The following MVP variants were observed in gnomAD, a reference collection of about 807,000 sequenced individuals.
MVP encodes lung resistance-related protein.
MVP carries 62 observed loss-of-function variants against 83.5 expected under a neutral mutation model. The ratio of observed to expected loss-of-function variants is 0.74; its 90% CI spans 0.61 to 0.92. The LOEUF (loss-of-function observed/expected upper bound fraction) is 0.92, where lower values mean the gene tolerates loss of function less well. Among genes scored for constraint, MVP ranks in the 40% least tolerant of loss-of-function variants. The pLI is 0.00. For synonymous variants in MVP, 505 were observed against 504.1 expected, an observed-to-expected ratio of 1.00 and a Z score of -0.02; for missense variants, 1,000 against 1,203.4, an observed-to-expected ratio of 0.83 and a Z score of 2.50.
Position 29,835,744 on chromosome 16 carries a change from A to G in MVP, c.618A>G (p.Pro206=). The change falls in exon 6 of 15, where the codon CCA becomes CCG. Residue 206 remains proline (P), a synonymous_variant. Transcript: ENST00000357402. ...TCACCACAGTAGGGGCGTACCTCCC[A>G]GCGGTGTTTGAGGAGGTTCTGGATT... ...WLVTTVGAYL[P]AVFEEVLDLV... is the part of the protein sequence containing the mutation. 3.7e-6 allele frequency: 6 copies of G among 1,613,954 alleles called. No homozygotes were observed. Among genetic ancestry groups the G allele is most frequent in the Non-Finnish European group, 5.1e-6 (6 of 1,180,002 alleles).
At chr16:29,838,448 A>T (rs200883210) in intron 7 of MVP, among the ~76,000 whole-genome samples, 1 of 151,982 alleles carries the variant, frequency 6.6e-6, no homozygotes, top group East Asian at 1.9e-4. Context: ...AAAAAAAAAA[A>T]TTAGAAATAA....
Position 29,844,754 on chromosome 16 carries a change from G to A in MVP, c.1896G>A (p.Gly632=), listed in dbSNP as rs1567396140. 3.7e-6 allele frequency: 6 copies of A among 1,612,244 alleles called. No homozygotes were observed. In the East Asian group the frequency reaches 6.7e-5, roughly 18 times the overall value. ...ACCAGGCTGTCTTCCCCCAAAACGG[G>A]CTGGTGGTCAGCAGTGTGGACGTGC... ...PRDQAVFPQN[G]LVVSSVDVQS... The change falls in exon 11 of 15, where the codon GGG becomes GGA. Residue 632 remains glycine (G), a synonymous_variant. Coordinates refer to ENST00000357402, the MANE Select transcript of MVP (RefSeq NM_005115.5).
chr16:29,841,469 T>C lies in MVP; in HGVS notation c.1192-127T>C, dbSNP rs2067533899. The C allele has an allele frequency of 1.6e-6, 2 of 1,269,000 alleles. No individual in the cohort carries two copies. Among genetic ancestry groups the C allele is most frequent in the African/African-American group, 1.5e-5 (1 of 66,748 alleles). 78.6% of individuals were successfully genotyped at this position (1,269,000 alleles called of 1,614,324 possible). On this transcript the variant is annotated intron_variant, in intron 8 of 14. Transcript: ENST00000357402. This position sits in a 1 kb window ranked among gnomAD's most constrained non-coding sequence, Gnocchi z 4.7. ...GGCAAACCCGGGGTGGAGCCTGGCC[T>C]CCCCGTAGAGAAGGTGTTTAACCTC...
chr16:29,844,841 C>T lies in MVP; in HGVS notation c.1983C>T (p.Ala661=). 6.2e-7 allele frequency: 1 copy of T among 1,605,526 alleles called. No individual in the cohort carries two copies. The highest frequency in any genetic ancestry group is 8.5e-7 in the Non-Finnish European group (1 of 1,179,846). ...CCCTGCAACGCAGCGTCCAGCTGGCCATCGAGATCACCACCAACTCCCAGG... is the reference window on the plus strand; with the variant it reads ...CCCTGCAACGCAGCGTCCAGCTGGCTATCGAGATCACCACCAACTCCCAGG... ...RDALQRSVQL[A]IEITTNSQEA... is the part of the protein sequence containing the mutation. The change falls in exon 11 of 15, where the codon GCC becomes GCT. Residue 661 remains alanine (A), a synonymous_variant. Transcript: ENST00000357402.
chr16:29,825,242 A>G (rs1483329935), intron 1 of MVP, among the ~76,000 whole-genome samples: 1 of 152,158 alleles, frequency 6.6e-6, no homozygotes, highest in Non-Finnish European at 1.5e-5. Context: ...AGAGCCGACT[A>G]GGGCAGGTCT....
At chr16:29,836,591 AAC>A in intron 6 of MVP, 129 bp from the exon 7 acceptor site, 3 of 785,412 alleles carry the variant, frequency 3.8e-6, no homozygotes, top group Admixed American at 5.3e-5. Context: ...AAAAAAAAAA[AAC>A]AATCCCTGGA....
intron 7 of MVP, among the ~76,000 whole-genome samples, chr16:29,839,520 C>A (rs1177119725): frequency 6.6e-6 from 1 of 152,064 alleles, no homozygotes; most frequent in Non-Finnish European, 1.5e-5. Context: ...TGGTGGCTCA[C>A]ATCTATAATC....
intron 3 of MVP, among the ~76,000 whole-genome samples, chr16:29,832,255 A>C (rs1430678979): frequency 6.6e-6 from 1 of 151,148 alleles, no homozygotes; most frequent in Non-Finnish European, 1.5e-5. Flanking sequence ...ATAACCCTTA[A>C]GGAATCCAAG....
At chr16:29,823,050 A>C (rs1246658970) in intron 1 of MVP, among the ~76,000 whole-genome samples, 2 of 149,846 alleles carry the variant, frequency 1.3e-5, no homozygotes, top group Non-Finnish European at 3.0e-5. Context: ...CCTACTGTGC[A>C]CCAGAGACCC....
chr16:29,846,696 G>GA (rs2067588549), intron 13 of MVP, among the ~76,000 whole-genome samples: 1 of 152,004 alleles, frequency 6.6e-6, no homozygotes, highest in South Asian at 2.1e-4. Context: ...CATCTCTACT[G>GA]AAAATACAAA....
intron 6 of MVP, among the ~76,000 whole-genome samples, chr16:29,836,188 A>G (rs2067485456): frequency 6.6e-6 from 1 of 151,544 alleles, no homozygotes; most frequent in Non-Finnish European, 1.5e-5. Flanking sequence ...GAATCGCTTG[A>G]ACCCCAGAGG....
Position 29,840,321 on chromosome 16 carries a change from C to G in MVP, c.1053C>G (p.His351Gln). 6 of 1,612,680 alleles carry G rather than the reference C, an allele frequency of 3.7e-6. No homozygotes were observed. Among genetic ancestry groups the G allele is most frequent in the Non-Finnish European group, 5.1e-6 (6 of 1,179,464 alleles). Residue 351 changes from histidine to glutamine, a missense_variant, in exon 8 of 15, where the codon CAC becomes CAG. By Grantham distance (24) the His-to-Gln change is conservative. Transcript: ENST00000357402. ...EEGEDEEKVS[H>Q]QAGDHWLIRG... ...GGGAGGATGAGGAGAAGGTCTCACA[C>G]CAGGCTGGGGACCACTGGCTCATCC...
Position 29,832,447 on chromosome 16 carries a change from A to G in MVP, c.322-1286A>G, listed in dbSNP as rs190406149. The stretch of plus-strand genomic sequence containing the variant: ...CGAGTAGCTGGGACTACAGGCGCCC[A>G]CCACCACACCCGGCTAACTTTTTGT... On this transcript the variant is annotated intron_variant, in intron 3 of 14. Transcript: ENST00000357402. 7.5e-3 allele frequency among the ~76,000 whole-genome samples: 1,131 copies of G among 150,400 alleles called. 11 individuals carry two copies. Among genetic ancestry groups the G allele is most frequent in the African/African-American group, 0.026 (1,065 of 40,954 alleles).
intron 13 of MVP, 118 bp from the exon 14 acceptor site, chr16:29,847,079 A>G: frequency 8.6e-7 from 1 of 1,157,090 alleles, no homozygotes; most frequent in East Asian, 2.4e-5. Flanking sequence ...AGTCCCAGCT[A>G]CCCAGGAGGC....
At chr16:29,829,379 G>A (rs1412992195) in intron 1 of MVP, among the ~76,000 whole-genome samples, 1 of 150,396 alleles carries the variant, frequency 6.6e-6, no homozygotes, top group African/African-American at 2.5e-5. Context: ...CTACCCAGGA[G>A]GCTGAGGCAT....
chr16:29,847,126 C>A, intron 13 of MVP, 71 bp from the exon 14 acceptor site: 1 of 1,520,756 alleles, frequency 6.6e-7, no homozygotes, highest in South Asian at 1.2e-5. Flanking sequence ...GAGTTCAAGG[C>A]TGCAGTGAGT....
intron 11 of MVP, among the ~76,000 whole-genome samples, 180 bp from the exon 12 acceptor site, chr16:29,845,683 G>A (rs1421159240): frequency 3.3e-5 from 5 of 152,184 alleles, no homozygotes; most frequent in Non-Finnish European, 4.4e-5. Flanking sequence ...GCATTTGTCC[G>A]GCCTAGAATG....
Position 29,830,986 on chromosome 16 carries a change from A to T in MVP, c.234A>T (p.Thr78=). The change falls in exon 3 of 15, where the codon ACA becomes ACT. Residue 78 remains threonine (T), a synonymous_variant. Transcript: ENST00000357402. ...DAQGLVLFDV[T]GQVRLRHADL... ...AGGGCTTGGTGCTGTTTGATGTCACAGGGCAAGTTCGGCTTCGCCACGCTG... is the reference window on the plus strand; with the variant it reads ...AGGGCTTGGTGCTGTTTGATGTCACTGGGCAAGTTCGGCTTCGCCACGCTG... The T allele has an allele frequency of 6.2e-7, 1 of 1,613,678 alleles. No individual in the cohort carries two copies. Among genetic ancestry groups the T allele is most frequent in the East Asian group, 2.2e-5 (1 of 44,854 alleles).
rs1182040761 is a variant in MVP at position 29,846,112 on chromosome 16, G to T, written c.2139-46G>T. ...ACAGCATAAGCCAAGGCCGTGGGGG[G>T]ACTGGGCTGTCTCCCGGGTCTTACC... On this transcript the variant is annotated intron_variant, in intron 12 of 14. Coordinates refer to ENST00000357402, the MANE Select transcript of MVP (RefSeq NM_005115.5). The T allele has an allele frequency of 3.7e-6, 6 of 1,600,600 alleles. No homozygotes were observed. The South Asian group carries it at 4.5e-5, about 12-fold the overall frequency.
Sources: gnomAD v4.1 joint callset for allele counts (sites outside exome capture counted in the v4.1 genomes callset) on GRCh38, gnomAD v4.1.1 for gene constraint, Gnocchi (gnomAD v3.1) non-coding constraint, MANE v1.5 for transcripts, NCBI Gene and HGNC (gene_info 2026-07-23, HGNC 2026-07-21) for gene names.